Variants in RBMS3 observed in about 807,000 individuals in gnomAD.
RBMS3 encodes RNA-binding motif, single-stranded-interacting protein 3.
RBMS3 carries 27 observed loss-of-function variants against 66.8 expected under a neutral mutation model. The observed-to-expected ratio is 0.40, with a 90% CI of 0.30 to 0.56. The LOEUF is 0.56. RBMS3 is among the 20% of genes least tolerant of loss of function. The pLI, the probability that RBMS3 is intolerant of heterozygous loss-of-function variation, is 0.40. For synonymous variants in RBMS3, 188 were observed against 183.0 expected (o/e 1.03, Z -0.22); for missense variants, 513 against 549.5 (o/e 0.93, Z 0.66).
chr3:29,570,506 T>C (rs913048593), intron 3 of RBMS3, among the ~76,000 whole-genome samples: 2 of 152,148 alleles, frequency 1.3e-5, no homozygotes, highest in Non-Finnish European at 2.9e-5. Context: ...TAACCATCCT[T>C]CTACTGTCTA....
intron 4 of RBMS3, among the ~76,000 whole-genome samples, chr3:29,670,189 C>T (rs145943309): frequency 6.6e-6 from 1 of 152,068 alleles, no homozygotes; most frequent in Non-Finnish European, 1.5e-5. Context: ...GGCGTTCTCC[C>T]AAAATTCATG....
chr3:29,525,845 C>A (rs1429233951), intron 3 of RBMS3, among the ~76,000 whole-genome samples: 1 of 152,100 alleles, frequency 6.6e-6, no homozygotes, highest in African/African-American at 2.4e-5. Flanking sequence ...TGCCAATTTT[C>A]TTTGAGGGCA....
intron 1 of RBMS3, among the ~76,000 whole-genome samples, chr3:29,431,833 C>T (rs1204415656): frequency 6.6e-6 from 1 of 152,082 alleles, no homozygotes; most frequent in Non-Finnish European, 1.5e-5. Flanking sequence ...TCAAGTGAAC[C>T]TCCCACCTCG....
chr3:29,991,334 T>A, intron 14 of RBMS3, 125 bp downstream of exon 14: 1 of 1,487,988 alleles, frequency 6.7e-7, no homozygotes, highest in Non-Finnish European at 9.0e-7. Context: ...AGGCATTTAT[T>A]TAGCTCATGA....
chr3:29,420,989 T>C (rs2040701532), intron 1 of RBMS3, among the ~76,000 whole-genome samples: 2 of 147,152 alleles, frequency 1.4e-5, no homozygotes, highest in Admixed American at 1.4e-4. Context: ...GGCGGGCGCC[T>C]GTAGTCCCAA....
chr3:29,646,383 G>C (rs1395511896), intron 4 of RBMS3, among the ~76,000 whole-genome samples: 1 of 152,184 alleles, frequency 6.6e-6, no homozygotes, highest in African/African-American at 2.4e-5. Flanking sequence ...GTCAATAAAA[G>C]TGGCTGAGAC....
At chr3:29,696,196 C>T (rs1290229022) in intron 4 of RBMS3, among the ~76,000 whole-genome samples, 1 of 152,162 alleles carries the variant, frequency 6.6e-6, no homozygotes, top group Non-Finnish European at 1.5e-5. Context: ...CCAGATCTGC[C>T]CCTTACTAGC....
intron 6 of RBMS3, among the ~76,000 whole-genome samples, chr3:29,789,767 T>C (rs1431255052): frequency 6.6e-6 from 1 of 152,184 alleles, no homozygotes. Context: ...CCTGCATATA[T>C]GGGCATTTTA....
chr3:29,833,311 G>A lies in RBMS3; in HGVS notation c.638-35547G>A, dbSNP rs547532480. Among the ~76,000 whole-genome samples the A allele has an allele frequency of 1.2e-4, 18 of 152,160 alleles. 1 individual carries two copies. The highest frequency in any genetic ancestry group is 8.3e-4 in the South Asian group (4 of 4,810). ...AGGAGTACAATAATATTCCAATAATGAGCCTATCAAAAAAATTAAGATCTA... is the reference window on the plus strand; with the variant it reads ...AGGAGTACAATAATATTCCAATAATAAGCCTATCAAAAAAATTAAGATCTA... On this transcript the variant is annotated intron_variant, in intron 6 of 14. Coordinates refer to ENST00000383767, the MANE Select transcript of RBMS3 (RefSeq NM_001003793.3).
chr3:29,519,143 A>G (rs2044754751), intron 3 of RBMS3, among the ~76,000 whole-genome samples: 1 of 152,220 alleles, frequency 6.6e-6, no homozygotes, highest in Non-Finnish European at 1.5e-5. Context: ...CCTTCTAGAA[A>G]GCAATTTGTC....
intron 3 of RBMS3, chr3:29,526,443 C>T (rs1009743792): frequency 7.3e-6 from 1 of 136,690 alleles, no homozygotes; most frequent in Non-Finnish European, 1.5e-5. Flanking sequence ...ATGGCGTGAA[C>T]CCGGGAGGCA....
chr3:29,290,445 A>C lies in RBMS3; in HGVS notation c.75+8689A>C, dbSNP rs1043452431. ...TTGAAAGATGAGAAAACAACATTTCATTTTCTTTGACTTGGTGGGAACTAC... is the reference window on the plus strand; with the variant it reads ...TTGAAAGATGAGAAAACAACATTTCCTTTTCTTTGACTTGGTGGGAACTAC... On this transcript the variant is annotated intron_variant, in intron 1 of 14. Transcript: ENST00000383767. 4.6e-5 allele frequency among the ~76,000 whole-genome samples: 7 copies of C among 151,820 alleles called. No homozygotes were observed. In the South Asian group the frequency reaches 6.2e-4, roughly 13 times the overall value.
chr3:29,408,052 C>T (rs2040099172), intron 1 of RBMS3, among the ~76,000 whole-genome samples: 2 of 152,032 alleles, frequency 1.3e-5, no homozygotes, highest in East Asian at 3.9e-4. Flanking sequence ...GTGGGCAGAT[C>T]ACGAGGTCAG....
intron 1 of RBMS3, among the ~76,000 whole-genome samples, chr3:29,360,366 T>A: frequency 6.6e-6 from 1 of 151,998 alleles, no homozygotes; most frequent in Non-Finnish European, 1.5e-5. Context: ...TTTGAGTGAG[T>A]TTCTTAATCC....
intron 1 of RBMS3, among the ~76,000 whole-genome samples, chr3:29,413,486 A>G (rs1397883736): frequency 6.6e-6 from 1 of 152,198 alleles, no homozygotes; most frequent in African/African-American, 2.4e-5. Flanking sequence ...AATACCAGAT[A>G]ATGATGTGTA....
chr3:29,685,031 G>A (rs1008872633), intron 4 of RBMS3, among the ~76,000 whole-genome samples: 4 of 145,838 alleles, frequency 2.7e-5, no homozygotes, highest in Non-Finnish European at 4.5e-5. Context: ...AACAGTTTCC[G>A]GTAAACAATT....
chr3:29,991,399 A>G (rs1347095479), intron 14 of RBMS3, 190 bp downstream of exon 14: 2 of 845,728 alleles, frequency 2.4e-6, no homozygotes, highest in Non-Finnish European at 3.5e-6. Flanking sequence ...TCTGATCTTG[A>G]CAGGAATCAA....
At chr3:29,632,306 G>A (rs764198532) in intron 4 of RBMS3, among the ~76,000 whole-genome samples, 68 of 151,826 alleles carry the variant, frequency 4.5e-4, no homozygotes, top group Non-Finnish European at 6.0e-4. Flanking sequence ...TCTTTGTTCT[G>A]CATTAAATCT....
intron 4 of RBMS3, among the ~76,000 whole-genome samples, chr3:29,670,308 A>G (rs1016534010): frequency 2.0e-5 from 3 of 152,134 alleles, no homozygotes; most frequent in Non-Finnish European, 4.4e-5. Flanking sequence ...CCAAATAGGA[A>G]GAGCTCCAGT....
Sources: gnomAD v4.1 joint callset for allele counts (sites outside exome capture counted in the v4.1 genomes callset) on GRCh38, gnomAD v4.1.1 for gene constraint, MANE v1.5 for transcripts, NCBI Gene and HGNC (gene_info 2026-07-23, HGNC 2026-07-21) for gene names.